PDE10A: variants seen among roughly 807,000 people sequenced by gnomAD.
PDE10A encodes the protein phosphodiesterase 10A.
A neutral mutation model predicts 97.7 loss-of-function variants in PDE10A; 39 were observed. That is an observed-to-expected ratio of 0.40 (90% confidence interval 0.31 to 0.52). PDE10A has a LOEUF of 0.52. PDE10A is among the 20% of genes least tolerant of loss of function. The probability of loss-of-function intolerance (pLI) is 0.56; values close to 1 mark genes in which losing one functional copy is unlikely to be tolerated. For missense variants in PDE10A, 731 were observed against 1,047.8 expected (o/e 0.70, Z 4.17); for synonymous variants, 371 against 376.8 (o/e 0.98, Z 0.18).
chr6:165,387,871 CAATAA>C (rs1785415891), intron 17 of PDE10A, among the ~76,000 whole-genome samples: 1 of 151,738 alleles, frequency 6.6e-6, no homozygotes, highest in African/African-American at 2.4e-5. Context: ...ATCTTAAAGA[CAATAA>C]AATAAATAAA....
intron 1 of PDE10A, among the ~76,000 whole-genome samples, chr6:165,815,757 T>G (rs1267610524): frequency 1.3e-5 from 2 of 152,146 alleles, no homozygotes; most frequent in Non-Finnish European, 1.5e-5. Context: ...CATGGACTAT[T>G]GGAAGTACTT....
intron 1 of PDE10A, among the ~76,000 whole-genome samples, chr6:165,674,521 C>T (rs1431466930): frequency 6.6e-6 from 1 of 152,146 alleles, no homozygotes; most frequent in African/African-American, 2.4e-5. Context: ...GAGACCACTG[C>T]CTGGCTTAGA....
intron 1 of PDE10A, among the ~76,000 whole-genome samples, chr6:165,939,144 T>C (rs1382004650): frequency 6.6e-6 from 1 of 152,244 alleles, no homozygotes; most frequent in Non-Finnish European, 1.5e-5. Context: ...GAAATATGTA[T>C]AATATCCTTC....
At chr6:165,912,394 G>A (rs1167148429) in intron 1 of PDE10A, among the ~76,000 whole-genome samples, 1 of 152,198 alleles carries the variant, frequency 6.6e-6, no homozygotes, top group Non-Finnish European at 1.5e-5. Flanking sequence ...TGTGTGGAGA[G>A]GGAAAGAATC....
chr6:165,901,709 G>C (rs569799595), intron 1 of PDE10A, among the ~76,000 whole-genome samples: 1 of 152,310 alleles, frequency 6.6e-6, no homozygotes, highest in South Asian at 2.1e-4. Flanking sequence ...GGCTGAGGCA[G>C]GAGAATCACT....
At chr6:165,915,529 G>C (rs553544631) in intron 1 of PDE10A, among the ~76,000 whole-genome samples, 15 of 152,112 alleles carry the variant, frequency 9.9e-5, no homozygotes, top group Non-Finnish European at 2.2e-4. Flanking sequence ...AACACAACAG[G>C]ACAGGGGAAG....
chr6:165,437,756 C>T (rs1333928934), intron 5 of PDE10A, among the ~76,000 whole-genome samples: 4 of 152,182 alleles, frequency 2.6e-5, no homozygotes, highest in African/African-American at 4.8e-5. Flanking sequence ...CCTCACAACA[C>T]ACACTTGTTT....
At chr6:165,739,290 A>G (rs1381489180) in intron 1 of PDE10A, among the ~76,000 whole-genome samples, 1 of 152,242 alleles carries the variant, frequency 6.6e-6, no homozygotes, top group Non-Finnish European at 1.5e-5. Context: ...AAAAACAGGC[A>G]TATAAACCAA....
chr6:165,862,110 A>G (rs150638842), intron 1 of PDE10A, among the ~76,000 whole-genome samples: 133 of 152,316 alleles, frequency 8.7e-4, no homozygotes, highest in Non-Finnish European at 1.2e-4. Flanking sequence ...TTCCCATGGA[A>G]AGAGAAATTT....
intron 1 of PDE10A, among the ~76,000 whole-genome samples, chr6:165,752,890 G>A (rs189929761): frequency 1.2e-3 from 179 of 152,334 alleles, no homozygotes; most frequent in African/African-American, 3.9e-3. Context: ...GATGCTGCTC[G>A]ACGTATGAAT....
chr6:165,715,406 T>C (rs971442384), intron 1 of PDE10A, among the ~76,000 whole-genome samples: 3 of 152,260 alleles, frequency 2.0e-5, no homozygotes, highest in African/African-American at 7.2e-5. Context: ...GAGCATTATA[T>C]AAATTCGAGC....
At chr6:165,548,276 C>CTTTTTTT (rs57134252) in intron 1 of PDE10A, among the ~76,000 whole-genome samples, 2 of 105,664 alleles carry the variant, frequency 1.9e-5, no homozygotes, top group African/African-American at 3.7e-5. Flanking sequence ...CTTTAAATCT[C>CTTTTTTT]TTTTTTTTTT....
intron 1 of PDE10A, among the ~76,000 whole-genome samples, chr6:165,759,038 C>G (rs1457624285): frequency 1.3e-5 from 2 of 152,134 alleles, no homozygotes; most frequent in African/African-American, 2.4e-5. Context: ...TAGTGATGTC[C>G]GTGGGTCCAG....
intron 1 of PDE10A, among the ~76,000 whole-genome samples, chr6:165,586,734 CT>C (rs1785935457): frequency 6.6e-6 from 1 of 152,146 alleles, no homozygotes; most frequent in African/African-American, 2.4e-5. Context: ...CTTTAAGTGA[CT>C]TTTCATAAGA....
chr6:165,600,818 T>C (rs897894137), intron 1 of PDE10A, among the ~76,000 whole-genome samples: 6 of 152,128 alleles, frequency 3.9e-5, no homozygotes, highest in Non-Finnish European at 8.8e-5. Context: ...TTTTAACTAC[T>C]CTGACATGAT....
chr6:165,695,093 C>G (rs1262975132), intron 1 of PDE10A, among the ~76,000 whole-genome samples: 1 of 152,032 alleles, frequency 6.6e-6, no homozygotes, highest in Non-Finnish European at 1.5e-5. Flanking sequence ...GACTTATTTT[C>G]CCTAAGACAA....
intron 1 of PDE10A, among the ~76,000 whole-genome samples, chr6:165,772,520 G>A (rs138264052): frequency 3.3e-4 from 50 of 152,256 alleles, no homozygotes; most frequent in Non-Finnish European, 6.5e-4. Context: ...GGCCCGCGTT[G>A]CCATGGGGTC....
chr6:165,696,417 C>A (rs1791444994), intron 1 of PDE10A, among the ~76,000 whole-genome samples: 1 of 152,150 alleles, frequency 6.6e-6, no homozygotes, highest in Non-Finnish European at 1.5e-5. Context: ...GTGAATCACC[C>A]CTTTGTCCAG....
At chr6:165,531,362 G>A (rs1782767753) in intron 2 of PDE10A, among the ~76,000 whole-genome samples, 1 of 151,286 alleles carries the variant, frequency 6.6e-6, no homozygotes, top group African/African-American at 2.4e-5. Context: ...AAATTAATTT[G>A]TAAACCCAAT....
Sources: gnomAD v4.1 joint callset for allele counts (sites outside exome capture counted in the v4.1 genomes callset) on GRCh38, gnomAD v4.1.1 for gene constraint, MANE v1.5 for transcripts, NCBI Gene and HGNC (gene_info 2026-07-23, HGNC 2026-07-21) for gene names.